SMG7: variants seen among roughly 807,000 people sequenced by gnomAD.
The protein encoded by SMG7 is SMG7 nonsense mediated mRNA decay factor.
A neutral mutation model predicts 148.2 loss-of-function variants in SMG7; 34 were observed. The ratio of observed to expected loss-of-function variants is 0.23; its 90% CI spans 0.17 to 0.31. SMG7 has a LOEUF of 0.31. Ranked by LOEUF, SMG7 falls within the 10% of genes least tolerant of loss-of-function variation. SMG7 has a pLI of 1.00. For missense variants in SMG7, 1,114 were observed against 1,408.4 expected, an observed-to-expected ratio of 0.79 and a Z score of 3.35; for synonymous variants, 492 against 515.1, an observed-to-expected ratio of 0.96 and a Z score of 0.61.
At position 183,551,844 on chromosome 1, in the gene SMG7, T is replaced by C; in HGVS notation, c.3477T>C (p.His1159=). ...LKSIWSSSMM[H]PGPSALEQLL... is the part of the protein sequence containing the mutation. ...CTATCTGGTCCAGTTCCATGATGCA[T>C]CCTGGACCTTCTGCTCTGGAGCAGC... Residue 1159 remains histidine (H), a synonymous_variant, in exon 23 of 23, where the codon CAT becomes CAC. Coordinates refer to ENST00000688051, the MANE Select transcript of SMG7 (RefSeq NM_001375584.1). 6 of 1,613,546 alleles carry C rather than the reference T, an allele frequency of 3.7e-6. No individual in the cohort carries two copies. The highest frequency in any genetic ancestry group is 5.1e-6 in the Non-Finnish European group (6 of 1,179,706).
chr1:183,515,886 G>A lies in SMG7; in HGVS notation c.74G>A (p.Gly25Asp). 1 of 1,610,866 alleles carries A rather than the reference G, an allele frequency of 6.2e-7. No individual in the cohort carries two copies. Among genetic ancestry groups the A allele is most frequent in the Non-Finnish European group, 8.5e-7 (1 of 1,178,008 alleles). Residue 25 changes from glycine to aspartate, a missense_variant, in exon 3 of 23, where the codon GGT (glycine) becomes GAT (aspartate). Coordinates refer to ENST00000688051, the MANE Select transcript of SMG7 (RefSeq NM_001375584.1). ...LKADMTDSKL[G>D]PAEVWTSRQA... The stretch of plus-strand genomic sequence containing the variant: ...TTTTGTTACTCAGATTCTAAGCTGG[G>A]TCCAGCTGAAGTCTGGACATCCAGG...
chr1:183,547,185 C>G lies in SMG7; in HGVS notation c.2825C>G (p.Ser942Cys), dbSNP rs1670071915. ...GAGGAAGAGGAAGAGCTGATTTTTT[C>G]TAACCCTCCTGATCTTTACCCGGCT... ...ALEEEEELIF[S>C]NPPDLYPALL... Residue 942 changes from serine (S) to cysteine (C), a missense_variant, in exon 18 of 23, where the codon TCT becomes TGT. Physicochemically the swap from Ser to Cys is moderately radical, Grantham distance 112. This residue lies in a region of SMG7 where 788 missense variants were observed against 894.5 expected (regional missense o/e 0.88). Coordinates refer to ENST00000688051, the MANE Select transcript of SMG7 (RefSeq NM_001375584.1). The G allele has an allele frequency of 6.4e-7, 1 of 1,550,458 alleles. No homozygotes were observed. The highest frequency in any genetic ancestry group is 1.4e-5 in the African/African-American group (1 of 73,150).
At chr1:183,481,498 T>C (rs1179334243) in intron 1 of SMG7, among the ~76,000 whole-genome samples, 1 of 152,204 alleles carries the variant, frequency 6.6e-6, no homozygotes, top group Non-Finnish European at 1.5e-5. Context: ...GTTGAGACCA[T>C]GTTTCAGCAT....
intron 1 of SMG7, among the ~76,000 whole-genome samples, chr1:183,494,641 A>G (rs545643966): frequency 6.8e-6 from 1 of 146,350 alleles, no homozygotes; most frequent in East Asian, 2.0e-4. Flanking sequence ...TTTAAAGAAT[A>G]TTTTTGCTGG....
At chr1:183,474,542 C>A (rs1651639645) in intron 1 of SMG7, among the ~76,000 whole-genome samples, 1 of 152,116 alleles carries the variant, frequency 6.6e-6, no homozygotes, top group Non-Finnish European at 1.5e-5. Flanking sequence ...CCAGCCTGGG[C>A]AACAAGAGTG....
chr1:183,514,348 G>T (rs939486815), intron 2 of SMG7, among the ~76,000 whole-genome samples: 1 of 152,090 alleles, frequency 6.6e-6, no homozygotes, highest in Non-Finnish European at 1.5e-5. Context: ...GGATAATCTC[G>T]TGTCATCTTG....
In SMG7 at chr1:183,554,082, G is replaced by C. The variant is rs976072554; in HGVS notation, c.*2151G>C. 2.6e-5 allele frequency: 4 copies of C among 152,594 alleles called. No homozygotes were observed. Among genetic ancestry groups the C allele is most frequent in the Admixed American group, 2.0e-4 (3 of 15,264 alleles). 9.5% of individuals were successfully genotyped at this position (152,594 alleles called of 1,614,324 possible). A position where few individuals can be genotyped will look rare whatever the true frequency, so the allele number is the denominator to read the frequency against. On this transcript the variant is annotated 3_prime_UTR_variant, in exon 23 of 23. Coordinates refer to ENST00000688051, the MANE Select transcript of SMG7 (RefSeq NM_001375584.1). ...GGTTTTGTGTAGTAAACTTTCTTTT[G>C]TGGTTTTTTGTTTTGTTTTCTGGGT...
In SMG7 at chr1:183,502,651, A is replaced by T. The variant is rs545968986; in HGVS notation, c.30-10186A>T. ...AAATTTTACTGAAGTAAATTTTTAA[A>T]AATTTTGTTTTATATGAGGTCTCTG... On this transcript the variant is annotated intron_variant, in intron 1 of 22. Coordinates refer to ENST00000688051, the MANE Select transcript of SMG7 (RefSeq NM_001375584.1). 2.0e-5 allele frequency among the ~76,000 whole-genome samples: 3 copies of T among 152,288 alleles called. No individual in the cohort carries two copies. In the South Asian group the frequency reaches 6.2e-4, roughly 32 times the overall value.
rs760776278 is a variant in SMG7, at chr1:183,472,717, A to G, written c.29+68A>G. ...CAGGTTGGGGCATGGAGCAACAGACACCGAGGTAAGTCCGGGGTGGCGGGG... is the reference window on the plus strand; with the variant it reads ...CAGGTTGGGGCATGGAGCAACAGACGCCGAGGTAAGTCCGGGGTGGCGGGG... On this transcript the variant is annotated intron_variant, in intron 1 of 22. Transcript: ENST00000688051. The G allele has an allele frequency of 5.9e-5, 79 of 1,344,432 alleles. No homozygotes were observed. The Middle Eastern group carries it at 6.3e-4, about 11-fold the overall frequency. 83.3% of individuals were successfully genotyped at this position (1,344,432 alleles called of 1,614,324 possible).
intron 1 of SMG7, among the ~76,000 whole-genome samples, chr1:183,476,475 A>G (rs1401867348): frequency 1.3e-5 from 2 of 152,196 alleles, no homozygotes; most frequent in Non-Finnish European, 2.9e-5. Flanking sequence ...AAGGAGCAAG[A>G]TGGCTGTTTC....
intron 2 of SMG7, among the ~76,000 whole-genome samples, chr1:183,514,266 A>G (rs1219939191): frequency 6.6e-6 from 1 of 151,908 alleles, no homozygotes; most frequent in Non-Finnish European, 1.5e-5. Flanking sequence ...AGATTTGCAA[A>G]GAGGAAAAGG....
chr1:183,472,761 C>G, intron 1 of SMG7, 112 bp downstream of exon 1: 2 of 1,015,142 alleles, frequency 2.0e-6, no homozygotes, highest in South Asian at 4.4e-5. Context: ...GCGTCCTCTC[C>G]TCGCCGGGCA....
Position 183,542,105 on chromosome 1 carries a change from A to G in SMG7, c.1445A>G (p.Lys482Arg). 1 of 1,612,998 alleles carries G rather than the reference A, an allele frequency of 6.2e-7. No individual in the cohort carries two copies. Among genetic ancestry groups the G allele is most frequent in the South Asian group, 1.1e-5 (1 of 90,940 alleles). ...ATTCAGTGTGAAAATGAGGTAGGGA[A>G]ATTGTTGTTTATCACAGAAATCCCA... The part of the protein sequence containing the change: ...RLIQCENEVG[K>R]LLFITEIPEL... The change falls in exon 14 of 23, where the codon AAA becomes AGA. Residue 482 changes from lysine (K) to arginine (R), a missense_variant. Physicochemically the swap from Lys to Arg is conservative, Grantham distance 26 (BLOSUM62 2). Coordinates refer to ENST00000688051, the MANE Select transcript of SMG7 (RefSeq NM_001375584.1).
intron 1 of SMG7, among the ~76,000 whole-genome samples, chr1:183,511,505 A>G (rs1662156300): frequency 6.6e-6 from 1 of 152,212 alleles, no homozygotes; most frequent in Non-Finnish European, 1.5e-5. Flanking sequence ...GAAGCAGGGT[A>G]TACTGGAGAA....
intron 1 of SMG7, among the ~76,000 whole-genome samples, chr1:183,498,679 C>T (rs1659093215): frequency 6.6e-6 from 1 of 152,220 alleles, no homozygotes; most frequent in South Asian, 2.1e-4. Flanking sequence ...TGCTCACACA[C>T]ATGAATAGCC....
At chr1:183,496,169 T>G (rs149361574) in intron 1 of SMG7, among the ~76,000 whole-genome samples, 435 of 152,298 alleles carry the variant, frequency 2.9e-3, no homozygotes, top group Non-Finnish European at 5.3e-3. Context: ...ATGGCTTATG[T>G]TCTTCACTTG....
chr1:183,501,705 C>G (rs1289385660), intron 1 of SMG7, among the ~76,000 whole-genome samples: 1 of 152,102 alleles, frequency 6.6e-6, no homozygotes. Context: ...GGGACCATAT[C>G]CATTTTTTTC....
rs528576889 is a variant in SMG7, at chr1:183,553,339, C to G, written c.*1408C>G. On this transcript the variant is annotated 3_prime_UTR_variant, in exon 23 of 23. Coordinates refer to ENST00000688051, the MANE Select transcript of SMG7 (RefSeq NM_001375584.1). Reference sequence around the variant, plus strand: ...AAATTATGGAAACAATCTAATTGTTCAATTGCTGTGCTAGTGGTAGGGTTT... The same window carrying G: ...AAATTATGGAAACAATCTAATTGTTGAATTGCTGTGCTAGTGGTAGGGTTT... 6.4e-6 allele frequency: 6 copies of G among 934,142 alleles called. No homozygotes were observed. Among genetic ancestry groups the G allele is most frequent in the Non-Finnish European group, 7.8e-6 (5 of 640,546 alleles). 57.9% of individuals were successfully genotyped at this position (934,142 alleles called of 1,614,324 possible).
At chr1:183,513,834 A>T (rs924976971) in intron 2 of SMG7, among the ~76,000 whole-genome samples, 5 of 152,042 alleles carry the variant, frequency 3.3e-5, no homozygotes, top group Non-Finnish European at 7.4e-5. Flanking sequence ...GTTCGAGACC[A>T]GTCTGGCCAA....
Sources: gnomAD v4.1 joint callset for allele counts (sites outside exome capture counted in the v4.1 genomes callset) on GRCh38, gnomAD v4.1.1 for gene constraint, gnomAD v4.1.1 regional missense constraint, MANE v1.5 for transcripts, NCBI Gene and HGNC (gene_info 2026-07-23, HGNC 2026-07-21) for gene names.